Variants in ATRN observed in about 807,000 individuals in gnomAD.
ATRN encodes the protein attractin.
ATRN carries 54 observed loss-of-function variants against 178.7 expected under a neutral mutation model. The observed-to-expected ratio is 0.30, with a 90% CI of 0.24 to 0.38. The LOEUF (loss-of-function observed/expected upper bound fraction) is 0.38, where lower values mean the gene tolerates loss of function less well. ATRN is among the 10% of genes least tolerant of loss of function. ATRN has a pLI of 1.00. For missense variants in ATRN, 1,443 were observed against 1,815.1 expected, an observed-to-expected ratio of 0.79 and a Z score of 3.73; for synonymous variants, 636 against 663.0, an observed-to-expected ratio of 0.96 and a Z score of 0.63.
chr20:3,511,388 C>T (rs549468266), intron 1 of ATRN, among the ~76,000 whole-genome samples: 21 of 150,850 alleles, frequency 1.4e-4, no homozygotes, highest in African/African-American at 3.9e-4. Flanking sequence ...GGGGAGATCA[C>T]GGTAGATCTT....
At chr20:3,568,263 G>C (rs1242104059) in intron 11 of ATRN, among the ~76,000 whole-genome samples, 2 of 151,368 alleles carry the variant, frequency 1.3e-5, no homozygotes, top group African/African-American at 4.9e-5. Context: ...CTGCACTCCA[G>C]CCTGGGCAAC....
At chr20:3,512,206 A>G (rs1235454361) in intron 1 of ATRN, among the ~76,000 whole-genome samples, 1 of 149,416 alleles carries the variant, frequency 6.7e-6, no homozygotes, top group Non-Finnish European at 1.5e-5. Context: ...TGCTGCACCC[A>G]TTAACTTGTC....
chr20:3,480,786 G>A (rs1280869091), intron 1 of ATRN, among the ~76,000 whole-genome samples: 3 of 152,176 alleles, frequency 2.0e-5, no homozygotes, highest in Non-Finnish European at 2.9e-5. Flanking sequence ...GATCAGAACA[G>A]TTTTGATCAT....
intron 24 of ATRN, among the ~76,000 whole-genome samples, chr20:3,617,232 G>A (rs149439190): frequency 6.6e-6 from 1 of 152,130 alleles, no homozygotes; most frequent in Non-Finnish European, 1.5e-5. Context: ...GATTGTTGTT[G>A]GTTAGAATTT....
At chr20:3,505,360 C>G (rs1040702305) in intron 1 of ATRN, among the ~76,000 whole-genome samples, 1 of 152,090 alleles carries the variant, frequency 6.6e-6, no homozygotes, top group Non-Finnish European at 1.5e-5. Context: ...TGAGTTACAC[C>G]ACCAGCTCCC....
intron 1 of ATRN, among the ~76,000 whole-genome samples, chr20:3,477,740 T>C (rs1300649315): frequency 6.6e-6 from 1 of 152,242 alleles, no homozygotes; most frequent in African/African-American, 2.4e-5. Flanking sequence ...TGGAGCATAG[T>C]GAGCAGTAAA....
intron 1 of ATRN, among the ~76,000 whole-genome samples, chr20:3,511,935 G>GA (rs1238319007): frequency 1.3e-5 from 2 of 151,072 alleles, no homozygotes; most frequent in African/African-American, 4.9e-5. Context: ...CTAAATATCA[G>GA]AGGAGTTAAT....
At chr20:3,576,193 T>C (rs1283788032) in intron 13 of ATRN, among the ~76,000 whole-genome samples, 11 of 152,368 alleles carry the variant, frequency 7.2e-5, no homozygotes, top group Non-Finnish European at 8.8e-5. Context: ...TGGGCATGGC[T>C]GTGACTAAGC....
intron 24 of ATRN, among the ~76,000 whole-genome samples, chr20:3,614,690 A>G (rs1021631662): frequency 1.3e-5 from 2 of 152,188 alleles, no homozygotes; most frequent in African/African-American, 4.8e-5. Flanking sequence ...TACACAATTC[A>G]GTGGTTTTCA....
intron 11 of ATRN, among the ~76,000 whole-genome samples, chr20:3,571,848 A>G (rs2086130213): frequency 6.6e-6 from 1 of 151,984 alleles, no homozygotes; most frequent in East Asian, 1.9e-4. Context: ...CAGATTTTTC[A>G]ATCTTCTTTT....
intron 18 of ATRN, among the ~76,000 whole-genome samples, chr20:3,588,360 T>G (rs1038814924): frequency 1.3e-5 from 2 of 152,230 alleles, no homozygotes; most frequent in African/African-American, 4.8e-5. Flanking sequence ...GAAAGTTTCC[T>G]TCTATTCTAG....
intron 12 of ATRN, among the ~76,000 whole-genome samples, chr20:3,573,243 C>CA (rs1337510712): frequency 6.6e-6 from 1 of 152,164 alleles, no homozygotes; most frequent in Non-Finnish European, 1.5e-5. Flanking sequence ...TGCTCTGAGG[C>CA]AGTGCCATCC....
intron 1 of ATRN, among the ~76,000 whole-genome samples, chr20:3,516,843 T>G (rs1316595443): frequency 6.6e-6 from 1 of 152,124 alleles, no homozygotes; most frequent in Admixed American, 6.6e-5. Context: ...TGTGTAGCAT[T>G]CCATGGTGTA....
At chr20:3,635,717 C>G (rs1337752030) in intron 26 of ATRN, among the ~76,000 whole-genome samples, 1 of 152,076 alleles carries the variant, frequency 6.6e-6, no homozygotes, top group Non-Finnish European at 1.5e-5. Flanking sequence ...AAGACAGGCT[C>G]CAGGATATGG....
chr20:3,624,625 C>A, intron 25 of ATRN, 53 bp downstream of exon 25: 1 of 1,341,232 alleles, frequency 7.5e-7, no homozygotes, highest in Non-Finnish European at 1.1e-6. Context: ...GCACTAGATC[C>A]ATTAATAGAG....
At chr20:3,526,173 C>T (rs1381873778) in intron 1 of ATRN, among the ~76,000 whole-genome samples, 1 of 152,194 alleles carries the variant, frequency 6.6e-6, no homozygotes, top group African/African-American at 2.4e-5. Context: ...CCCCAAATCT[C>T]CTTAAGCTGA....
At chr20:3,529,655 C>T (rs1342628909) in intron 1 of ATRN, among the ~76,000 whole-genome samples, 3 of 152,080 alleles carry the variant, frequency 2.0e-5, no homozygotes, top group African/African-American at 7.2e-5. Flanking sequence ...GGAGAGATTA[C>T]CTGGAGAGGG....
At position 3,650,705 on chromosome 20, in the gene ATRN, A is replaced by T. The variant is rs539618939; in HGVS notation, c.*3858A>T. 8.5e-5 allele frequency: 13 copies of T among 152,748 alleles called. No homozygotes were observed. Among genetic ancestry groups the T allele is most frequent in the African/African-American group, 3.1e-4 (13 of 41,578 alleles). The allele number at this position is 152,748 out of a possible 1,614,324, so 9.5% of individuals were successfully genotyped here. ...TCTTTTAAAGGCAGTAATGGAATTG[A>T]TTTTCAGTAACTGAATTTGTGCACA... On this transcript the variant is annotated 3_prime_UTR_variant, in exon 29 of 29. Coordinates refer to ENST00000262919, the MANE Select transcript of ATRN (RefSeq NM_139321.3).
chr20:3,611,158 C>T (rs984648121), intron 24 of ATRN, among the ~76,000 whole-genome samples: 11 of 152,080 alleles, frequency 7.2e-5, no homozygotes, highest in East Asian at 5.8e-4. Flanking sequence ...ATACTAAAAA[C>T]GTGATTCATA....
Sources: gnomAD v4.1 joint callset for allele counts (sites outside exome capture counted in the v4.1 genomes callset) on GRCh38, gnomAD v4.1.1 for gene constraint, MANE v1.5 for transcripts, NCBI Gene and HGNC (gene_info 2026-07-23, HGNC 2026-07-21) for gene names.